ITPR2: variants seen among roughly 807,000 people sequenced by gnomAD.
ITPR2 encodes the protein inositol 1,4,5-trisphosphate-gated calcium channel ITPR2.
A neutral mutation model predicts 317.1 loss-of-function variants in ITPR2; 207 were observed. That is an observed-to-expected ratio of 0.65 (90% confidence interval 0.58 to 0.73). ITPR2 has a LOEUF of 0.73. Among genes scored for constraint, ITPR2 ranks in the 30% least tolerant of loss-of-function variants. The pLI is 0.00. For missense variants in ITPR2, 2,613 were observed against 3,284.0 expected (o/e 0.80, Z 4.99); for synonymous variants, 1,156 against 1,149.1 (o/e 1.01, Z -0.12).
intron 13 of ITPR2, among the ~76,000 whole-genome samples, chr12:26,676,179 G>T (rs951836495): frequency 6.7e-6 from 1 of 148,958 alleles, no homozygotes; most frequent in Non-Finnish European, 1.5e-5. Flanking sequence ...AAAGAAATAT[G>T]TTGAGAGTAA....
rs190213882 is a variant in ITPR2 at position 26,538,590 on chromosome 12, T to A, written c.5073+11657A>T. Reference sequence around the variant, plus strand: ...TTTTCTTTTTTTCTTTTTTTCTTTTTTTTTGAGACAGAATCTCACTCTGTC... The same window carrying A: ...TTTTCTTTTTTTCTTTTTTTCTTTTATTTTGAGACAGAATCTCACTCTGTC... On this transcript the variant is annotated intron_variant, in intron 37 of 56. Coordinates refer to ENST00000381340, the MANE Select transcript of ITPR2 (RefSeq NM_002223.4). Among the ~76,000 whole-genome samples, 149 of 151,384 alleles carry A rather than the reference T, an allele frequency of 9.8e-4. 1 individual carries two copies. Among genetic ancestry groups the A allele is most frequent in the African/African-American group, 3.4e-3 (140 of 41,024 alleles).
intron 55 of ITPR2, among the ~76,000 whole-genome samples, chr12:26,354,208 A>G (rs1938564599): frequency 6.6e-6 from 1 of 152,128 alleles, no homozygotes; most frequent in Admixed American, 6.5e-5. Flanking sequence ...CGGGAGGTGG[A>G]GGTTGCAGTG....
At chr12:26,742,452 T>A (rs1949247579) in intron 2 of ITPR2, among the ~76,000 whole-genome samples, 1 of 152,246 alleles carries the variant, frequency 6.6e-6, no homozygotes, top group South Asian at 2.1e-4. Context: ...AACCTAAATG[T>A]CCATTAACTG....
chr12:26,514,057 A>T (rs754274974), intron 37 of ITPR2, among the ~76,000 whole-genome samples: 1 of 152,246 alleles, frequency 6.6e-6, no homozygotes, highest in Non-Finnish European at 1.5e-5. Flanking sequence ...TCTTAAGAAC[A>T]ATGTGATACT....
chr12:26,660,276 A>T (rs1947467795), intron 15 of ITPR2, among the ~76,000 whole-genome samples: 1 of 152,242 alleles, frequency 6.6e-6, no homozygotes, highest in Non-Finnish European at 1.5e-5. Context: ...GCTAAAAGTA[A>T]GAGAAAGCCA....
chr12:26,609,534 G>T (rs1301760159), intron 26 of ITPR2, among the ~76,000 whole-genome samples: 1 of 152,142 alleles, frequency 6.6e-6, no homozygotes, highest in Non-Finnish European at 1.5e-5. Flanking sequence ...AGCCTAGGAA[G>T]TGGAGTCTGC....
chr12:26,370,686 G>A (rs1295322796), intron 55 of ITPR2, among the ~76,000 whole-genome samples: 9 of 151,984 alleles, frequency 5.9e-5, no homozygotes, highest in Admixed American at 2.6e-4. Context: ...TTGTTTGTTT[G>A]TTTGTTTTGA....
chr12:26,762,564 CTGAAGGCATTTCCTAAAGT>C (rs1949655962), intron 2 of ITPR2, among the ~76,000 whole-genome samples: 1 of 152,102 alleles, frequency 6.6e-6, no homozygotes, highest in Non-Finnish European at 1.5e-5. Context: ...ACAAGAAATG[CTGAAGGCATTTCCTAAAGT>C]TGAAGTGAAA....
intron 2 of ITPR2, among the ~76,000 whole-genome samples, chr12:26,785,495 G>A (rs1374803920): frequency 7.6e-5 from 5 of 66,214 alleles, no homozygotes; most frequent in African/African-American, 2.4e-4. Flanking sequence ...CTGCCCGGCC[G>A]CCCCTACTGG....
chr12:26,814,284 G>A (rs1950810711), intron 1 of ITPR2, among the ~76,000 whole-genome samples: 1 of 152,028 alleles, frequency 6.6e-6, no homozygotes, highest in Non-Finnish European at 1.5e-5. Context: ...TTAATCACAA[G>A]GTTCTCTTTT....
At chr12:26,591,750 T>C (rs1945713415) in intron 32 of ITPR2, among the ~76,000 whole-genome samples, 1 of 150,800 alleles carries the variant, frequency 6.6e-6, no homozygotes, top group Non-Finnish European at 1.5e-5. Flanking sequence ...AGGCAGGAGA[T>C]GGTTGAACCC....
At chr12:26,534,544 T>C (rs565285601) in intron 37 of ITPR2, among the ~76,000 whole-genome samples, 1 of 152,284 alleles carries the variant, frequency 6.6e-6, no homozygotes, top group Non-Finnish European at 1.5e-5. Flanking sequence ...ATTTATTAAC[T>C]CTCATTTAAC....
chr12:26,709,560 T>C (rs183665371), intron 9 of ITPR2, among the ~76,000 whole-genome samples: 3 of 152,298 alleles, frequency 2.0e-5, no homozygotes, highest in Non-Finnish European at 2.9e-5. Context: ...ATCTAATCAT[T>C]TGAATGCATC....
intron 32 of ITPR2, among the ~76,000 whole-genome samples, chr12:26,586,716 C>T (rs1945538820): frequency 1.3e-5 from 2 of 151,918 alleles, no homozygotes; most frequent in South Asian, 4.1e-4. Flanking sequence ...TATTCCATGC[C>T]AAGAATATTC....
intron 15 of ITPR2, among the ~76,000 whole-genome samples, chr12:26,662,309 T>C (rs1423263604): frequency 6.6e-6 from 1 of 152,198 alleles, no homozygotes; most frequent in Non-Finnish European, 1.5e-5. Flanking sequence ...ACAAATTACT[T>C]AACCTCTCTG....
At chr12:26,462,473 C>T (rs547925389) in intron 45 of ITPR2, among the ~76,000 whole-genome samples, 5 of 152,196 alleles carry the variant, frequency 3.3e-5, no homozygotes, top group South Asian at 4.2e-4. Flanking sequence ...CTCAGCCTCC[C>T]AAAGTGTTGG....
intron 22 of ITPR2, among the ~76,000 whole-genome samples, chr12:26,628,678 G>A (rs1946679394): frequency 2.0e-5 from 3 of 152,168 alleles, no homozygotes; most frequent in Admixed American, 2.0e-4. Context: ...GTGTTTCCTT[G>A]AGTTTGGGTT....
At chr12:26,478,725 T>C (rs895703671) in intron 43 of ITPR2, among the ~76,000 whole-genome samples, 1 of 152,122 alleles carries the variant, frequency 6.6e-6, no homozygotes, top group African/African-American at 2.4e-5. Context: ...AGTTTCTTCT[T>C]AAAGAAGCCA....
chr12:26,589,502 T>G (rs1275134343), intron 32 of ITPR2, among the ~76,000 whole-genome samples: 1 of 151,658 alleles, frequency 6.6e-6, no homozygotes, highest in Admixed American at 6.6e-5. Context: ...AAAATATTGT[T>G]GTCAGGTCAG....
Sources: gnomAD v4.1 joint callset for allele counts (sites outside exome capture counted in the v4.1 genomes callset) on GRCh38, gnomAD v4.1.1 for gene constraint, MANE v1.5 for transcripts, NCBI Gene and HGNC (gene_info 2026-07-23, HGNC 2026-07-21) for gene names.